Variants in KDM2B observed in about 807,000 individuals in gnomAD.
KDM2B encodes the protein lysine-specific demethylase 2B.
In KDM2B, 26 loss-of-function variants were observed where a neutral mutation model predicts 150.0. The ratio of observed to expected loss-of-function variants is 0.17; its 90% CI spans 0.13 to 0.24. The LOEUF (loss-of-function observed/expected upper bound fraction) is 0.24. KDM2B is among the 10% of genes least tolerant of loss of function. The pLI is 1.00. For missense variants in KDM2B, 1,265 were observed against 1,816.9 expected (o/e 0.70, Z 5.52); for synonymous variants, 734 against 729.5 (o/e 1.01, Z -0.10).
At chr12:121,456,256 G>A (rs1878217556) in intron 12 of KDM2B, among the ~76,000 whole-genome samples, 1 of 152,234 alleles carries the variant, frequency 6.6e-6, no homozygotes, top group Non-Finnish European at 1.5e-5. Context: ...TCCTGGAAGG[G>A]CTTCCCAGCT....
the KDM2B span, among the ~76,000 whole-genome samples, chr12:121,414,248 A>G: frequency 0.027 from 4,138 of 152,374 alleles, 99 homozygotes; most frequent in Non-Finnish European, 0.037. Context: ...TACCTCAGCT[A>G]TCTCGACTTC....
chr12:121,416,406 C>A, the KDM2B span: 2 of 1,391,964 alleles, frequency 1.4e-6, no homozygotes, highest in South Asian at 1.2e-5. Context: ...TACATAACAA[C>A]ACACATGGGT....
chr12:121,546,337 C>G (rs1889035880), intron 6 of KDM2B, among the ~76,000 whole-genome samples: 1 of 151,366 alleles, frequency 6.6e-6, no homozygotes, highest in Non-Finnish European at 1.5e-5. Context: ...TTTTCGGGGC[C>G]CTTTTCACTT....
In KDM2B at chr12:121,508,587, G is replaced by A. The variant is rs115188616; in HGVS notation, c.1647+980C>T. On this transcript the variant is annotated intron_variant, in intron 11 of 22. Coordinates refer to ENST00000377071, the MANE Select transcript of KDM2B (RefSeq NM_032590.5). ...TTGGAGAAGGACACCCAGACGCCTC[G>A]GAGGCCTCAACCAAAAAGCCTTACT... 2.9e-3 allele frequency among the ~76,000 whole-genome samples: 437 copies of A among 152,186 alleles called. 2 individuals carry two copies. The highest frequency in any genetic ancestry group is 9.8e-3 in the African/African-American group (408 of 41,510).
chr12:121,458,312 G>A (rs1770011633), intron 12 of KDM2B, among the ~76,000 whole-genome samples: 1 of 152,112 alleles, frequency 6.6e-6, no homozygotes, highest in African/African-American at 2.4e-5. Flanking sequence ...GGAAGCAGAG[G>A]TTGCACTGAG....
Position 121,520,923 on chromosome 12 carries a change from C to T in KDM2B, c.1047+62G>A. The T allele has an allele frequency of 1.6e-6, 2 of 1,289,242 alleles. No individual in the cohort carries two copies. Among genetic ancestry groups the T allele is most frequent in the Non-Finnish European group, 2.2e-6 (2 of 890,434 alleles). 79.9% of individuals were successfully genotyped at this position (1,289,242 alleles called of 1,614,324 possible). A position where few individuals can be genotyped will look rare whatever the true frequency, so the allele number is the denominator to read the frequency against. On this transcript the variant is annotated intron_variant, in intron 9 of 22. Coordinates refer to ENST00000377071, the MANE Select transcript of KDM2B (RefSeq NM_032590.5). The surrounding 1 kb of genome is among the most constrained non-coding windows in gnomAD (Gnocchi z 4.5). ...ACTTCAGTATGACCTGTCCCACACACCGAGCACCGGCAGAGCTCAGGGGCC... is the reference window on the plus strand; with the variant it reads ...ACTTCAGTATGACCTGTCCCACACATCGAGCACCGGCAGAGCTCAGGGGCC...
At position 121,549,764 on chromosome 12, in the gene KDM2B, T is replaced by A. The variant is rs35364256; in HGVS notation, c.398-126A>T. On this transcript the variant is annotated intron_variant, in intron 4 of 22. Transcript: ENST00000377071. This position sits in a 1 kb window ranked among gnomAD's most constrained non-coding sequence, Gnocchi z 4.4. ...CCACAGTCCTCACCCCTCTTCCTCA[T>A]CTGTTCAATTACCTCACCCCATCGG... 4,424 of 788,056 alleles carry A rather than the reference T, an allele frequency of 5.6e-3. 137 individuals carry two copies. The African/African-American group carries it at 0.07, about 12-fold the overall frequency. The allele number at this position is 788,056 out of a possible 1,614,324, so 48.8% of individuals were successfully genotyped here.
chr12:121,544,159 C>G (rs966237377), intron 6 of KDM2B, among the ~76,000 whole-genome samples: 1 of 149,060 alleles, frequency 6.7e-6, no homozygotes, highest in Admixed American at 6.7e-5. Flanking sequence ...ACCTATAGTC[C>G]TAGCTACTCA....
At chr12:121,551,525 T>C (rs1555311795) in intron 4 of KDM2B, among the ~76,000 whole-genome samples, 1 of 151,972 alleles carries the variant, frequency 6.6e-6, no homozygotes, top group Non-Finnish European at 1.5e-5. Context: ...TTTTATTTTT[T>C]GTAGAGACAG....
chr12:121,551,133 G>A (rs1889455865), intron 4 of KDM2B, among the ~76,000 whole-genome samples: 1 of 152,050 alleles, frequency 6.6e-6, no homozygotes, highest in Non-Finnish European at 1.5e-5. Flanking sequence ...TGTTGATATG[G>A]GTAATAGTCT....
chr12:121,565,049 T>C (rs139033600), intron 4 of KDM2B, among the ~76,000 whole-genome samples: 1,977 of 152,078 alleles, frequency 0.013, 43 homozygotes, highest in African/African-American at 0.046. Context: ...CCTAGGCTGG[T>C]CTCAAACTCC....
At position 121,442,716 on chromosome 12, in the gene KDM2B, G is replaced by A; in HGVS notation, c.2725C>T (p.His909Tyr). The A allele has an allele frequency of 5.7e-6, 9 of 1,579,136 alleles. No homozygotes were observed. Among genetic ancestry groups the A allele is most frequent in the East Asian group, 2.3e-5 (1 of 44,442 alleles). The change falls in exon 19 of 23, where the codon CAC (histidine) becomes TAC (tyrosine). Residue 909 changes from histidine (H) to tyrosine (Y), a missense_variant. This residue lies in a region of KDM2B where 418 missense variants were observed against 402.4 expected (regional missense o/e 1.04). Transcript: ENST00000377071. This position sits in a 1 kb window ranked among gnomAD's most constrained non-coding sequence, Gnocchi z 7.7. ...GCGGTGGGGGAGCTGGAGCGGGAGT[G>A]GTCGCTCTCCCTGGTCTTGGGGGGC... is the stretch of plus-strand genomic sequence containing the variant. ...EAPPKTRESD[H>Y]SRSSSPTAGP... is the part of the protein sequence containing the mutation.
the KDM2B span, chr12:121,420,654 C>T: frequency 1.2e-6 from 2 of 1,614,054 alleles, no homozygotes; most frequent in South Asian, 1.1e-5. Context: ...AAGGAATGAG[C>T]GTGCGCCAGC....
chr12:121,410,548 A>G, the KDM2B span, among the ~76,000 whole-genome samples: 7 of 150,302 alleles, frequency 4.7e-5, no homozygotes, highest in East Asian at 1.2e-3. Context: ...AAACCACCAA[A>G]AAAAAAAAAA....
chr12:121,477,390 T>C (rs1555296945), intron 12 of KDM2B, among the ~76,000 whole-genome samples: 4 of 152,000 alleles, frequency 2.6e-5, no homozygotes. Context: ...TATATATGTA[T>C]TTATTTTTTT....
At chr12:121,491,028 C>T (rs937212215) in intron 12 of KDM2B, among the ~76,000 whole-genome samples, 6 of 152,132 alleles carry the variant, frequency 3.9e-5, no homozygotes, top group East Asian at 3.8e-4. Context: ...CCAGAGACCC[C>T]GGGCAGCCCA....
intron 12 of KDM2B, among the ~76,000 whole-genome samples, chr12:121,466,978 G>A (rs1269012073): frequency 6.7e-6 from 1 of 148,376 alleles, no homozygotes; most frequent in Non-Finnish European, 1.5e-5. Context: ...CCGGCTGCGG[G>A]CCTGCCGCGC....
Position 121,513,188 on chromosome 12 carries a change from C to T in KDM2B, c.1174+88G>A, listed in dbSNP as rs1315344435. 1.3e-6 allele frequency: 2 copies of T among 1,493,730 alleles called. No individual in the cohort carries two copies. The highest frequency in any genetic ancestry group is 1.4e-5 in the African/African-American group (1 of 72,450). The allele number at this position is 1,493,730 out of a possible 1,614,324, so 92.5% of individuals were successfully genotyped here. On this transcript the variant is annotated intron_variant, in intron 10 of 22. Transcript: ENST00000377071. The surrounding 1 kb of genome is among the most constrained non-coding windows in gnomAD (Gnocchi z 5.0). The stretch of plus-strand genomic sequence containing the variant: ...ACACTGATTCAACGAATCCCCAAAA[C>T]TCAGGGAGTGTCTCCAGGCCCCACT...
At chr12:121,554,223 G>A (rs1002670751) in intron 4 of KDM2B, among the ~76,000 whole-genome samples, 13 of 151,204 alleles carry the variant, frequency 8.6e-5, no homozygotes, top group Non-Finnish European at 1.8e-4. Flanking sequence ...GGGCAACAGA[G>A]CCAGATCCTG....
Sources: gnomAD v4.1 joint callset for allele counts (sites outside exome capture counted in the v4.1 genomes callset) on GRCh38, gnomAD v4.1.1 for gene constraint, gnomAD v4.1.1 regional missense constraint, Gnocchi (gnomAD v3.1) non-coding constraint, MANE v1.5 for transcripts, NCBI Gene and HGNC (gene_info 2026-07-23, HGNC 2026-07-21) for gene names.